MORC4: variants seen among roughly 807,000 people sequenced by gnomAD.
MORC4 encodes MORC family CW-type zinc finger protein 4.
MORC4 carries 22 observed loss-of-function variants against 65.5 expected under a neutral mutation model. That is an observed-to-expected ratio of 0.34 (90% confidence interval 0.24 to 0.48). The LOEUF is 0.48. Ranked by LOEUF, MORC4 falls within the 20% of genes least tolerant of loss-of-function variation. The pLI, the probability that MORC4 is intolerant of heterozygous loss-of-function variation, is 0.99. For synonymous variants in MORC4, 267 were observed against 255.8 expected, an observed-to-expected ratio of 1.04 and a Z score of -0.42; for missense variants, 624 against 703.0, an observed-to-expected ratio of 0.89 and a Z score of 1.27.
rs200387180 is a variant in MORC4, at chrX:106,980,952, G to A, written c.875C>T (p.Thr292Ile). Residue 292 changes from threonine (T) to isoleucine (I), a missense_variant, in exon 7 of 17, where the codon ACC becomes ATC. Physicochemically the swap from Thr to Ile is moderately conservative, Grantham distance 89. Coordinates refer to ENST00000355610, the MANE Select transcript of MORC4 (RefSeq NM_024657.5). ...KIFLRQKKVTTQMIAKSLANV... is the reference protein window; with the variant it reads ...KIFLRQKKVTIQMIAKSLANV... The stretch of plus-strand genomic sequence containing the variant: ...GGCCAGGCTCTTGGCAATCATCTGG[G>A]TAGTCACCTTCTTTTGACGCAGAAA... 25 of 1,205,194 alleles carry A rather than the reference G, an allele frequency of 2.1e-5. No homozygotes were observed. Among genetic ancestry groups the A allele is most frequent in the African/African-American group, 3.5e-5 (2 of 57,131 alleles).
At chrX:106,948,084 C>T (rs1302126974) in intron 14 of MORC4, among the ~76,000 whole-genome samples, 1 of 111,157 alleles carries the variant, frequency 9.0e-6, no homozygotes, top group East Asian at 2.8e-4. Flanking sequence ...TATTTTTCCT[C>T]TTTTTATATC....
intron 8 of MORC4, among the ~76,000 whole-genome samples, chrX:106,977,578 G>A (rs1357615854): frequency 1.8e-5 from 2 of 111,494 alleles, no homozygotes; most frequent in Non-Finnish European, 3.8e-5. Flanking sequence ...CTGTGAGGCA[G>A]GCAAAGCAGG....
intron 14 of MORC4, among the ~76,000 whole-genome samples, chrX:106,945,168 T>C (rs931051531): frequency 9.0e-6 from 1 of 111,433 alleles, no homozygotes; most frequent in African/African-American, 3.3e-5. Flanking sequence ...ATCTCCACTG[T>C]TTTAAGGGGA....
At chrX:106,999,813 C>A in intron 1 of MORC4, 55 bp downstream of exon 1, 1 of 929,508 alleles carries the variant, frequency 1.1e-6, no homozygotes, top group Non-Finnish European at 1.3e-6. Context: ...CCCCGCGCGC[C>A]CCCCGCAGCC....
At chrX:106,990,537 C>T (rs1012606553) in intron 3 of MORC4, among the ~76,000 whole-genome samples, 20 of 112,471 alleles carry the variant, frequency 1.8e-4, no homozygotes, top group Non-Finnish European at 3.0e-4. Flanking sequence ...GAATTATAGG[C>T]ATGAGCCACC....
rs1366297708 is a variant in MORC4, at chrX:106,980,988, C to A, written c.839G>T (p.Arg280Leu). ...CTTTTGACGCAGAAAAATTTTCATG[C>A]GTGGCTTCATGTATAGAATACCACA... ...AFCGILYMKP[R>L]MKIFLRQKKV... The change falls in exon 7 of 17, where the codon CGC becomes CTC. Residue 280 changes from arginine (R) to leucine (L), a missense_variant. Transcript: ENST00000355610. 2 of 1,209,538 alleles carry A rather than the reference C, an allele frequency of 1.7e-6. No individual in the cohort carries two copies. The highest frequency in any genetic ancestry group is 4.4e-5 in the Admixed American group (2 of 45,923).
Position 106,986,061 on chromosome X carries a change from G to T in MORC4, c.448C>A (p.Leu150Ile), listed in dbSNP as rs761203934. Reference sequence around the variant, plus strand: ...CATTCCAGATAGGTCTGTGATAGAAGTCCAACAGTGAGAGTACCCCCATTC... The same window carrying T: ...CATTCCAGATAGGTCTGTGATAGAATTCCAACAGTGAGAGTACCCCCATTC... Reference protein sequence around the residue: ...TKNGGTLTVGLLSQTYLECVQ... With the variant: ...TKNGGTLTVGILSQTYLECVQ... The change falls in exon 4 of 17, where the codon CTT (leucine) becomes ATT (isoleucine). Residue 150 changes from leucine (L) to isoleucine (I), a missense_variant. Leu to Ile is a conservative substitution (Grantham distance 5, BLOSUM62 2). Coordinates refer to ENST00000355610, the MANE Select transcript of MORC4 (RefSeq NM_024657.5). The T allele has an allele frequency of 8.3e-7, 1 of 1,210,466 alleles. No individual in the cohort carries two copies.
intron 5 of MORC4, among the ~76,000 whole-genome samples, chrX:106,984,684 GGTGA>G (rs766743936): frequency 0.11 from 11,915 of 107,077 alleles, 1,834 homozygotes; most frequent in African/African-American, 0.39. Flanking sequence ...ATGTTGGCCA[GGTGA>G]GAGGTCTCGA....
intron 7 of MORC4, among the ~76,000 whole-genome samples, chrX:106,978,640 A>ACATG (rs1027208835): frequency 3.1e-4 from 34 of 111,074 alleles, no homozygotes; most frequent in African/African-American, 1.1e-3. Flanking sequence ...ACACACACAC[A>ACATG]CATGCATAGA....
intron 2 of MORC4, among the ~76,000 whole-genome samples, chrX:106,995,846 T>C (rs1935069170): frequency 8.9e-6 from 1 of 112,164 alleles, no homozygotes; most frequent in Admixed American, 9.5e-5. Flanking sequence ...ATTACACAGC[T>C]GCCTACACTG....
chrX:106,970,700 A>T (rs1012304051), intron 9 of MORC4, among the ~76,000 whole-genome samples: 11 of 111,926 alleles, frequency 9.8e-5, no homozygotes, highest in African/African-American at 3.6e-4. Flanking sequence ...CCAAATCATG[A>T]ATGAACTGCC....
intron 9 of MORC4, among the ~76,000 whole-genome samples, chrX:106,975,084 G>A (rs1426101570): frequency 9.0e-6 from 1 of 111,498 alleles, no homozygotes; most frequent in Non-Finnish European, 1.9e-5. Context: ...ACCAAAACTA[G>A]ACATCAAAAA....
chrX:106,986,894 G>C (rs937443048), intron 3 of MORC4, among the ~76,000 whole-genome samples: 1 of 111,760 alleles, frequency 8.9e-6, no homozygotes, highest in Non-Finnish European at 1.9e-5. Flanking sequence ...TCACTTAGGC[G>C]CCTCAACAAT....
chrX:106,980,807 GTTT>G (rs1934724076), intron 7 of MORC4, 81 bp downstream of exon 7: 1 of 921,686 alleles, frequency 1.1e-6, no homozygotes, highest in African/African-American at 2.0e-5. Context: ...GAAAGGGAAA[GTTT>G]TTGTTTTTCT....
chrX:106,979,992 A>G (rs939837158), intron 7 of MORC4, among the ~76,000 whole-genome samples: 4 of 110,783 alleles, frequency 3.6e-5, no homozygotes, highest in South Asian at 7.7e-4. Context: ...AAAGAGACCA[A>G]CGATTTCTCA....
intron 14 of MORC4, among the ~76,000 whole-genome samples, chrX:106,952,599 TA>T (rs1934001372): frequency 8.9e-6 from 1 of 111,999 alleles, no homozygotes; most frequent in African/African-American, 3.2e-5. Context: ...TGGTGGAACC[TA>T]TTCTTTATTG....
At chrX:106,953,902 T>C (rs767033249) in intron 14 of MORC4, among the ~76,000 whole-genome samples, 2 of 112,100 alleles carry the variant, frequency 1.8e-5, no homozygotes, top group Non-Finnish European at 3.8e-5. Context: ...GGCGGGTGAA[T>C]CACCTGAGGT....
intron 8 of MORC4, among the ~76,000 whole-genome samples, chrX:106,977,865 G>C (rs1269094179): frequency 9.0e-6 from 1 of 111,488 alleles, no homozygotes; most frequent in Non-Finnish European, 1.9e-5. Flanking sequence ...AATGCATTCA[G>C]TAAAGTTGTT....
chrX:106,991,800 G>A (rs1234842190), intron 3 of MORC4, among the ~76,000 whole-genome samples: 1 of 111,152 alleles, frequency 9.0e-6, no homozygotes, highest in African/African-American at 3.3e-5. Flanking sequence ...AGCTACTCGG[G>A]AGGCTGAGGT....
Sources: allele counts gnomAD v4.1 joint callset (sites outside exome capture counted in the v4.1 genomes callset), GRCh38; gene constraint gnomAD v4.1.1; transcripts MANE v1.5; gene names NCBI Gene and HGNC (gene_info 2026-07-23, HGNC 2026-07-21).